ERAP1: variants seen among roughly 807,000 people sequenced by gnomAD.
The protein encoded by ERAP1 is endoplasmic reticulum aminopeptidase 1, also known as adipocyte-derived leucine aminopeptidase.
ERAP1 carries 86 observed loss-of-function variants against 103.7 expected under a neutral mutation model. That is an observed-to-expected ratio of 0.83 (90% CI 0.70 to 0.99). The LOEUF (loss-of-function observed/expected upper bound fraction) is 0.99, where lower values mean the gene tolerates loss of function less well. Among genes scored for constraint, ERAP1 ranks in the 50% least tolerant of loss-of-function variants. ERAP1 has a pLI of 0.00. For synonymous variants in ERAP1, 398 were observed against 402.4 expected, an observed-to-expected ratio of 0.99 and a Z score of 0.13; for missense variants, 1,009 against 1,128.4, an observed-to-expected ratio of 0.89 and a Z score of 1.52.
the ERAP1 span, among the ~76,000 whole-genome samples, chr5:96,817,718 C>A: frequency 2.0e-5 from 3 of 152,206 alleles, no homozygotes; most frequent in African/African-American, 4.8e-5. Context: ...AATTGGGCAG[C>A]CTCTGCCACA....
At chr5:96,891,008 T>C in the ERAP1 span, among the ~76,000 whole-genome samples, 1 of 152,188 alleles carries the variant, frequency 6.6e-6, no homozygotes, top group East Asian at 1.9e-4. Flanking sequence ...GTCCCACTAC[T>C]ATAAAATCAT....
the ERAP1 span, chr5:96,886,801 T>G: frequency 6.2e-5 from 91 of 1,472,938 alleles, no homozygotes; most frequent in Admixed American, 9.4e-5. Flanking sequence ...TGAGACTGAG[T>G]TCTAACGTTC....
the ERAP1 span, chr5:96,889,594 G>T: frequency 1.5e-6 from 1 of 667,862 alleles, no homozygotes; most frequent in Non-Finnish European, 2.7e-6. Flanking sequence ...TGGAGGCTGG[G>T]ACGGAAGCCA....
the ERAP1 span, among the ~76,000 whole-genome samples, chr5:96,872,606 A>T: frequency 6.6e-6 from 1 of 152,294 alleles, no homozygotes; most frequent in South Asian, 2.1e-4. Flanking sequence ...CCCAAAAAAC[A>T]AAAAATAAGA....
Position 96,777,329 on chromosome 5 carries a change from C to T in ERAP1, c.2671-778G>A, listed in dbSNP as rs373435901. ...ATAAATTTTCACAGCATTAATCCATCAATTTTTGATTTGGTATTCAGGAAG... is the reference window on the plus strand; with the variant it reads ...ATAAATTTTCACAGCATTAATCCATTAATTTTTGATTTGGTATTCAGGAAG... On this transcript the variant is annotated intron_variant, in intron 18 of 18. Coordinates refer to ENST00000443439, the MANE Select transcript of ERAP1 (RefSeq NM_001040458.3). 8.5e-5 allele frequency among the ~76,000 whole-genome samples: 13 copies of T among 152,246 alleles called. No homozygotes were observed. The East Asian group carries it at 1.9e-3, about 23-fold the overall frequency.
chr5:96,887,100 T>TAC, the ERAP1 span, among the ~76,000 whole-genome samples: 644 of 137,380 alleles, frequency 4.7e-3, 3 homozygotes, highest in Middle Eastern at 0.012. Flanking sequence ...TATATATATA[T>TAC]ACACACACAC....
At chr5:96,799,025 G>A (rs142385774) in intron 3 of ERAP1, among the ~76,000 whole-genome samples, 14,407 of 151,470 alleles carry the variant, frequency 0.095, 904 homozygotes, top group Middle Eastern at 0.16. Flanking sequence ...GTGCCACCAC[G>A]CCCAGCTAAT....
the ERAP1 span, among the ~76,000 whole-genome samples, chr5:96,862,855 C>T: frequency 2.6e-5 from 4 of 152,116 alleles, no homozygotes; most frequent in African/African-American, 9.7e-5. Context: ...CTGGGCCCAT[C>T]CCTAAGAAAA....
At chr5:96,851,411 C>T in the ERAP1 span, among the ~76,000 whole-genome samples, 1 of 152,154 alleles carries the variant, frequency 6.6e-6, no homozygotes, top group Admixed American at 6.6e-5. Flanking sequence ...AAAATGAACT[C>T]TGGGAGAAAT....
the ERAP1 span, among the ~76,000 whole-genome samples, chr5:96,887,974 A>T: frequency 6.6e-6 from 1 of 151,828 alleles, no homozygotes; most frequent in African/African-American, 2.4e-5. Context: ...AAAATACAAA[A>T]ATTAGCCAGG....
intron 2 of ERAP1, among the ~76,000 whole-genome samples, chr5:96,802,126 T>C (rs1778079796): frequency 1.3e-5 from 2 of 152,062 alleles, no homozygotes; most frequent in African/African-American, 4.8e-5. Context: ...TATAGGCTCT[T>C]TGGCTTACCA....
the ERAP1 span, among the ~76,000 whole-genome samples, chr5:96,930,189 A>G: frequency 6.6e-6 from 1 of 152,082 alleles, no homozygotes; most frequent in Non-Finnish European, 1.5e-5. Flanking sequence ...ATATCAACCA[A>G]CCACCTGATA....
chr5:96,860,302 C>T, the ERAP1 span, among the ~76,000 whole-genome samples: 1 of 152,134 alleles, frequency 6.6e-6, no homozygotes, highest in Non-Finnish European at 1.5e-5. Context: ...GATCCACCTG[C>T]CTGGGCCTCC....
At chr5:96,799,126 A>G (rs1277586742) in intron 3 of ERAP1, among the ~76,000 whole-genome samples, 1 of 152,062 alleles carries the variant, frequency 6.6e-6, no homozygotes, top group East Asian at 1.9e-4. Flanking sequence ...TCAGCCTCCC[A>G]AAGTGCCGAG....
the ERAP1 span, among the ~76,000 whole-genome samples, chr5:96,900,837 C>T: frequency 0.04 from 6,009 of 152,102 alleles, 370 homozygotes; most frequent in African/African-American, 0.14. Flanking sequence ...CCACCATGCC[C>T]GGCTAATTTT....
At chr5:96,880,769 T>G in the ERAP1 span, among the ~76,000 whole-genome samples, 1 of 152,252 alleles carries the variant, frequency 6.6e-6, no homozygotes, top group African/African-American at 2.4e-5. Context: ...GCACATACTA[T>G]GTGCCAGGCA....
At chr5:96,802,986 A>G (rs1271755903) in intron 2 of ERAP1, among the ~76,000 whole-genome samples, 1 of 151,864 alleles carries the variant, frequency 6.6e-6, no homozygotes, top group Non-Finnish European at 1.5e-5. Flanking sequence ...GTCTGGAGGG[A>G]GCACGGGCCT....
chr5:96,764,104 AT>A (rs1768968939), intron 19 of ERAP1, among the ~76,000 whole-genome samples: 1 of 152,206 alleles, frequency 6.6e-6, no homozygotes, highest in Non-Finnish European at 1.5e-5. Flanking sequence ...GTCTTATACA[AT>A]GTAGATATTA....
Position 96,793,829 on chromosome 5 carries a change from TCATTGTGATG to T in ERAP1, c.1038_1047del (p.Ile347LeufsTer25), listed in dbSNP as rs1431168736. 1.2e-6 allele frequency: 2 copies of T among 1,613,932 alleles called. No homozygotes were observed. The highest frequency in any genetic ancestry group is 3.3e-5 in the Admixed American group (2 of 60,008). On this transcript the variant is annotated frameshift_variant, in exon 6 of 19. Coordinates refer to ENST00000443439, the MANE Select transcript of ERAP1 (RefSeq NM_001040458.3). LOFTEE classifies it high-confidence loss of function. ...TGGTGAGCCAGTTCATGGGCCACAG[TCATTGTGATG>T]CCAAGCTTACTTGATGCAGAAGACT...
Sources: gnomAD v4.1 joint callset for allele counts (sites outside exome capture counted in the v4.1 genomes callset) on GRCh38, gnomAD v4.1.1 for gene constraint, MANE v1.5 for transcripts, NCBI Gene and HGNC (gene_info 2026-07-23, HGNC 2026-07-21) for gene names.